LONRF3: variants seen among roughly 807,000 people sequenced by gnomAD.
LONRF3 encodes LON peptidase N-terminal domain and ring finger 3, also known as LON peptidase N-terminal domain and RING finger protein 3.
In LONRF3, 19 loss-of-function variants were observed where a neutral mutation model predicts 51.7. That is an observed-to-expected ratio of 0.37 (90% CI 0.26 to 0.54). The LOEUF (loss-of-function observed/expected upper bound fraction) is 0.54. LONRF3 is among the 20% of genes least tolerant of loss of function. The probability of loss-of-function intolerance (pLI) is 0.86; values close to 1 mark genes in which losing one functional copy is unlikely to be tolerated. For missense variants in LONRF3, 521 were observed against 623.9 expected (o/e 0.84, Z 1.76); for synonymous variants, 265 against 257.8 (o/e 1.03, Z -0.27).
At chrX:118,992,805 A>G (rs1359379981) in intron 5 of LONRF3, among the ~76,000 whole-genome samples, 1 of 111,227 alleles carries the variant, frequency 9.0e-6, no homozygotes, top group Non-Finnish European at 1.9e-5. Context: ...AGGCACTGGT[A>G]TCTATCTACT....
chrX:119,014,428 G>A, intron 10 of LONRF3, 72 bp downstream of exon 10: 2 of 960,152 alleles, frequency 2.1e-6, no homozygotes, highest in Non-Finnish European at 2.9e-6. Context: ...TGATTAGATG[G>A]GTATGTGGCT....
At chrX:118,979,185 T>A (rs1218034577) in intron 2 of LONRF3, among the ~76,000 whole-genome samples, 7 of 109,041 alleles carry the variant, frequency 6.4e-5, no homozygotes, top group Admixed American at 5.8e-4. Flanking sequence ...TATTTTTTTT[T>A]GTAGAGACAG....
At chrX:118,998,823 C>A (rs781613354) in intron 5 of LONRF3, among the ~76,000 whole-genome samples, 62 of 111,493 alleles carry the variant, frequency 5.6e-4, no homozygotes, top group African/African-American at 1.5e-3. Flanking sequence ...TCCTGCCTGG[C>A]AAATTTTTGT....
In LONRF3 at chrX:118,975,448, T is replaced by C; in HGVS notation, c.668T>C (p.Leu223Pro). ...RRAGQQPPPP[L>P]RVNVVLSGLL... Reference sequence around the variant, plus strand: ...GCTGGGCAGCAGCCGCCGCCGCCGCTGCGAGTCAACGTGGTGCTCAGCGGC... The same window carrying C: ...GCTGGGCAGCAGCCGCCGCCGCCGCCGCGAGTCAACGTGGTGCTCAGCGGC... The change falls in exon 1 of 11, where the codon CTG (leucine) becomes CCG (proline). Residue 223 changes from leucine to proline, a missense_variant. Physicochemically the swap from Leu to Pro is moderately conservative, Grantham distance 98 (BLOSUM62 -3). Coordinates refer to ENST00000371628, the MANE Select transcript of LONRF3 (RefSeq NM_001031855.3). The C allele has an allele frequency of 8.4e-7, 1 of 1,190,111 alleles. No homozygotes were observed. The highest frequency in any genetic ancestry group is 1.1e-6 in the Non-Finnish European group (1 of 885,301).
chrX:118,980,137 G>T (rs1392444014), intron 2 of LONRF3, among the ~76,000 whole-genome samples: 4 of 112,391 alleles, frequency 3.6e-5, no homozygotes, highest in Non-Finnish European at 5.6e-5. Context: ...TGGATGTAGT[G>T]CTCTGTCTCT....
At chrX:119,002,045 T>G (rs1924354211) in intron 5 of LONRF3, among the ~76,000 whole-genome samples, 1 of 112,786 alleles carries the variant, frequency 8.9e-6, no homozygotes, top group Non-Finnish European at 1.9e-5. Flanking sequence ...CTCTGATAAT[T>G]AGATCACAGC....
intron 5 of LONRF3, among the ~76,000 whole-genome samples, chrX:118,996,113 AT>A (rs1923852066): frequency 8.9e-6 from 1 of 112,155 alleles, no homozygotes; most frequent in Non-Finnish European, 1.9e-5. Context: ...GCGATGCTGG[AT>A]TTTGTTTAAT....
At position 118,974,794 on chromosome X, in the gene LONRF3, G is replaced by A. The variant is rs781084025; in HGVS notation, c.14G>A (p.Arg5Gln). Residue 5 changes from arginine (R) to glutamine (Q), a missense_variant, in exon 1 of 11, where the codon CGG becomes CAG. By Grantham distance (43) the Arg-to-Gln change is conservative. This residue lies in a region of LONRF3 where 376 missense variants were observed against 376.7 expected (regional missense o/e 1.00). Coordinates refer to ENST00000371628, the MANE Select transcript of LONRF3 (RefSeq NM_001031855.3). MESV[R>Q]IEQMLSLPAE... is the part of the protein sequence containing the mutation. Reference sequence around the variant, plus strand: ...GTCCCTCTTCCCATGGAGTCAGTACGGATCGAACAGATGCTGAGCTTGCCC... The same window carrying A: ...GTCCCTCTTCCCATGGAGTCAGTACAGATCGAACAGATGCTGAGCTTGCCC... 2.5e-6 allele frequency: 3 copies of A among 1,206,971 alleles called. No individual in the cohort carries two copies. In the South Asian group the frequency reaches 5.3e-5, roughly 22 times the overall value.
chrX:118,982,708 G>C (rs1922659794), intron 2 of LONRF3, 113 bp from the exon 3 acceptor site: 11 of 975,485 alleles, frequency 1.1e-5, no homozygotes, highest in Non-Finnish European at 1.4e-5. Flanking sequence ...GTAGATAAGA[G>C]AGTCCTTTTA....
At chrX:118,981,904 T>C (rs1264109592) in intron 2 of LONRF3, among the ~76,000 whole-genome samples, 1 of 111,848 alleles carries the variant, frequency 8.9e-6, no homozygotes, top group East Asian at 2.8e-4. Flanking sequence ...GTACTGCCAA[T>C]GGAGGAGGCA....
At chrX:119,006,568 T>TTTTTGTTTTGTTTTGTTTTG (rs10587850) in intron 6 of LONRF3, among the ~76,000 whole-genome samples, 1 of 90,055 alleles carries the variant, frequency 1.1e-5, no homozygotes, top group Non-Finnish European at 2.2e-5. Context: ...GCTCGGCTAA[T>TTTTTGTTTTGTTTTGTTTTG]TTTTGTTTTG....
At chrX:119,015,508 G>C (rs886846474) in intron 10 of LONRF3, among the ~76,000 whole-genome samples, 1 of 111,733 alleles carries the variant, frequency 8.9e-6, no homozygotes, top group Admixed American at 9.5e-5. Flanking sequence ...GTTTTCAAGG[G>C]AGAAAGGCCA....
intron 5 of LONRF3, among the ~76,000 whole-genome samples, chrX:119,002,351 A>G (rs1001428353): frequency 1.8e-5 from 2 of 112,318 alleles, no homozygotes; most frequent in African/African-American, 6.5e-5. Flanking sequence ...AGTTTTGCCT[A>G]TGTAAAAGCT....
intron 5 of LONRF3, among the ~76,000 whole-genome samples, chrX:118,994,338 A>G (rs756240641): frequency 1.8e-5 from 2 of 111,652 alleles, no homozygotes; most frequent in African/African-American, 6.5e-5. Flanking sequence ...AAGGGGTGAA[A>G]AAAAGGCGTT....
chrX:118,999,972 G>C (rs1238755485), intron 5 of LONRF3, among the ~76,000 whole-genome samples: 1 of 112,086 alleles, frequency 8.9e-6, no homozygotes, highest in African/African-American at 3.2e-5. Flanking sequence ...GAAGCATGTA[G>C]TTCCCTTTCC....
intron 5 of LONRF3, among the ~76,000 whole-genome samples, chrX:118,999,305 G>A (rs751797741): frequency 8.9e-6 from 1 of 111,753 alleles, no homozygotes; most frequent in Admixed American, 9.5e-5. Context: ...GGCTAAATGA[G>A]CAGGTTCCTT....
intron 5 of LONRF3, among the ~76,000 whole-genome samples, chrX:119,005,742 G>A (rs1398491335): frequency 9.0e-6 from 1 of 111,646 alleles, no homozygotes; most frequent in East Asian, 2.8e-4. Context: ...GTGTGTTTGT[G>A]TGTGTGTGTT....
Position 118,996,100 on chromosome X carries a change from A to G in LONRF3, c.1415+5540A>G, listed in dbSNP as rs151046762. ...TGATTTTGCTGAGAGTGTTAATCAT[A>G]AAGCGATGCTGGATTTTGTTTAATG... On this transcript the variant is annotated intron_variant, in intron 5 of 10. Coordinates refer to ENST00000371628, the MANE Select transcript of LONRF3 (RefSeq NM_001031855.3). Among the ~76,000 whole-genome samples, 374 of 112,489 alleles carry G rather than the reference A, an allele frequency of 3.3e-3. 1 individual carries two copies. Among genetic ancestry groups the G allele is most frequent in the African/African-American group, 0.011 (347 of 30,999 alleles).
intron 3 of LONRF3, among the ~76,000 whole-genome samples, chrX:118,983,187 T>G (rs1419226188): frequency 2.7e-5 from 3 of 111,954 alleles, no homozygotes; most frequent in Non-Finnish European, 5.6e-5. Context: ...AGGAATGTTC[T>G]TGCTTCTTTG....
Sources: allele counts gnomAD v4.1 joint callset (sites outside exome capture counted in the v4.1 genomes callset), GRCh38; gene constraint gnomAD v4.1.1; regional missense constraint gnomAD v4.1.1; transcripts MANE v1.5; gene names NCBI Gene and HGNC (gene_info 2026-07-23, HGNC 2026-07-21).